The following CNTN4 variants were observed in gnomAD, a reference collection of about 807,000 sequenced individuals.
CNTN4 encodes contactin 4.
CNTN4 carries 77 observed loss-of-function variants against 122.5 expected under a neutral mutation model. The observed-to-expected ratio is 0.63, with a 90% confidence interval of 0.52 to 0.76. The LOEUF is 0.76. CNTN4 is among the 30% of genes least tolerant of loss of function. The probability of loss-of-function intolerance (pLI) is 0.00; values close to 1 mark genes in which losing one functional copy is unlikely to be tolerated. For synonymous variants in CNTN4, 512 were observed against 447.0 expected (o/e 1.15, Z -1.83); for missense variants, 1,256 against 1,259.1 (o/e 1.00, Z 0.04).
At chr3:2,633,276 A>G (rs1469320031) in intron 4 of CNTN4, among the ~76,000 whole-genome samples, 2 of 152,212 alleles carry the variant, frequency 1.3e-5, no homozygotes, top group African/African-American at 2.4e-5. Flanking sequence ...ATGCAGAACA[A>G]TCACTGCCCT....
chr3:2,608,733 G>T (rs1279655803), intron 4 of CNTN4, among the ~76,000 whole-genome samples: 1 of 152,152 alleles, frequency 6.6e-6, no homozygotes, highest in African/African-American at 2.4e-5. Context: ...CACCAGCCTC[G>T]GCCTGGCCTC....
chr3:2,840,910 A>G (rs946913661), intron 7 of CNTN4, among the ~76,000 whole-genome samples: 1 of 151,992 alleles, frequency 6.6e-6, no homozygotes, highest in South Asian at 2.1e-4. Flanking sequence ...CTGAAAAGCT[A>G]TTTCTGTGAT....
At chr3:2,837,232 G>C (rs1404970994) in intron 7 of CNTN4, among the ~76,000 whole-genome samples, 1 of 152,190 alleles carries the variant, frequency 6.6e-6, no homozygotes, top group African/African-American at 2.4e-5. Context: ...CTTTCGGGGA[G>C]GAAGATGTTT....
At chr3:2,368,132 A>C (rs554443929) in intron 3 of CNTN4, among the ~76,000 whole-genome samples, 33 of 145,218 alleles carry the variant, frequency 2.3e-4, no homozygotes, top group South Asian at 6.5e-4. Flanking sequence ...TCCTGGGTTC[A>C]TGCCATTCTC....
intron 3 of CNTN4, among the ~76,000 whole-genome samples, chr3:2,378,260 G>A (rs543144883): frequency 2.0e-5 from 3 of 152,274 alleles, no homozygotes; most frequent in East Asian, 1.9e-4. Flanking sequence ...ACAGTTATTC[G>A]GGGATGCAGG....
At chr3:2,974,384 A>C (rs1369546497) in intron 13 of CNTN4, among the ~76,000 whole-genome samples, 1 of 152,196 alleles carries the variant, frequency 6.6e-6, no homozygotes, top group African/African-American at 2.4e-5. Flanking sequence ...TGCAGCTAAC[A>C]ATGACCAGCT....
intron 12 of CNTN4, among the ~76,000 whole-genome samples, chr3:2,914,975 A>G (rs538321478): frequency 6.6e-6 from 1 of 152,362 alleles, no homozygotes; most frequent in African/African-American, 2.4e-5. Flanking sequence ...TCAACATACA[A>G]TAATCAGTTA....
chr3:2,801,110 A>ACAAGGGCAGTTCCG (rs1432245133), intron 6 of CNTN4, among the ~76,000 whole-genome samples: 9 of 152,304 alleles, frequency 5.9e-5, no homozygotes, highest in Middle Eastern at 6.8e-3. Context: ...TGTAAGTTCC[A>ACAAGGGCAGTTCCG]CAAGGGCAGG....
chr3:2,200,008 A>T lies in CNTN4; in HGVS notation c.-145+99369A>T, dbSNP rs143568124. Among the ~76,000 whole-genome samples the T allele has an allele frequency of 1.5e-4, 23 of 152,344 alleles. 1 individual carries two copies. In the East Asian group the frequency reaches 2.9e-3, roughly 19 times the overall value. On this transcript the variant is annotated intron_variant, in intron 2 of 24. Coordinates refer to ENST00000418658, the MANE Select transcript of CNTN4 (RefSeq NM_175607.3). Reference sequence around the variant, plus strand: ...AAAAAAGATGAGTGGTTTGGATTTTATTCTTGATGCAATGGGACAGCATTG... The same window carrying T: ...AAAAAAGATGAGTGGTTTGGATTTTTTTCTTGATGCAATGGGACAGCATTG...
intron 3 of CNTN4, among the ~76,000 whole-genome samples, chr3:2,504,688 C>A (rs894971505): frequency 6.6e-6 from 1 of 152,138 alleles, no homozygotes; most frequent in Non-Finnish European, 1.5e-5. Flanking sequence ...AATACCTTTA[C>A]ATTTAAATAA....
In CNTN4 at chr3:2,881,446, G is replaced by A. The variant is rs574518620; in HGVS notation, c.653-1699G>A. ...AAGAATTGCTTGAACCCGGGAGGCG[G>A]AGGTTGCAGTGAGCCAAAATTGTAC... On this transcript the variant is annotated intron_variant, in intron 8 of 24. Coordinates refer to ENST00000418658, the MANE Select transcript of CNTN4 (RefSeq NM_175607.3). 4.0e-5 allele frequency among the ~76,000 whole-genome samples: 6 copies of A among 151,832 alleles called. No homozygotes were observed. The South Asian group carries it at 1.3e-3, about 32-fold the overall frequency.
intron 13 of CNTN4, among the ~76,000 whole-genome samples, chr3:2,969,387 G>A (rs1692649178): frequency 6.6e-6 from 1 of 152,190 alleles, no homozygotes; most frequent in African/African-American, 2.4e-5. Context: ...TTAACCAGGA[G>A]TGTGTGATGC....
At chr3:2,311,703 T>C (rs1005536834) in intron 2 of CNTN4, among the ~76,000 whole-genome samples, 3 of 152,118 alleles carry the variant, frequency 2.0e-5, no homozygotes, top group African/African-American at 7.2e-5. Flanking sequence ...CTACTGTCTG[T>C]ATAGGTAGCT....
intron 4 of CNTN4, among the ~76,000 whole-genome samples, chr3:2,598,731 C>T (rs867795524): frequency 1.3e-5 from 2 of 152,046 alleles, no homozygotes; most frequent in East Asian, 3.9e-4. Context: ...GCTAAGCCTT[C>T]GCAAATCAGT....
intron 4 of CNTN4, among the ~76,000 whole-genome samples, chr3:2,618,342 A>G (rs748424777): frequency 1.3e-5 from 2 of 152,130 alleles, no homozygotes; most frequent in Admixed American, 6.6e-5. Flanking sequence ...ATATGTGTGT[A>G]TGTACATATA....
At chr3:2,820,000 T>A (rs1429297677) in intron 7 of CNTN4, among the ~76,000 whole-genome samples, 2 of 152,202 alleles carry the variant, frequency 1.3e-5, no homozygotes, top group East Asian at 3.8e-4. Context: ...ATGGGTTTTT[T>A]CCACACTAAC....
intron 3 of CNTN4, among the ~76,000 whole-genome samples, chr3:2,467,957 T>C (rs575944375): frequency 2.6e-5 from 4 of 152,258 alleles, no homozygotes; most frequent in African/African-American, 9.6e-5. Context: ...CCGACAAACC[T>C]GAAGCCCAAA....
intron 2 of CNTN4, among the ~76,000 whole-genome samples, chr3:2,168,544 C>T (rs900783124): frequency 1.3e-5 from 2 of 151,608 alleles, no homozygotes; most frequent in African/African-American, 4.8e-5. Context: ...ACTCGAGAGG[C>T]TAGAAAATGA....
chr3:2,353,856 G>A (rs889696486), intron 3 of CNTN4, among the ~76,000 whole-genome samples: 16 of 151,890 alleles, frequency 1.1e-4, no homozygotes, highest in Non-Finnish European at 2.2e-4. Context: ...CCAAGATGGC[G>A]CCACCGCACT....
Sources: allele counts gnomAD v4.1 joint callset (sites outside exome capture counted in the v4.1 genomes callset), GRCh38; gene constraint gnomAD v4.1.1; transcripts MANE v1.5; gene names NCBI Gene and HGNC (gene_info 2026-07-23, HGNC 2026-07-21).